The following TBL1Y variants were observed in gnomAD, a reference collection of about 807,000 sequenced individuals.
TBL1Y encodes transducin beta like 1 Y-linked, also known as F-box-like/WD repeat-containing protein TBL1Y.
TBL1Y carries 15 observed loss-of-function variants against 12.0 expected under a neutral mutation model. The observed-to-expected ratio is 1.25, with a 90% CI of 0.83 to 1.92. The LOEUF (loss-of-function observed/expected upper bound fraction) is 1.92, where lower values mean the gene tolerates loss of function less well. TBL1Y is among the 40% of genes most tolerant of loss of function. The pLI is 0.00. For missense variants in TBL1Y, 148 were observed against 116.7 expected (o/e 1.27, Z -1.24); for synonymous variants, 53 against 42.6 (o/e 1.24, Z -0.95).
At chrY:6,969,658 A>G (rs914075763) in intron 2 of TBL1Y, among the ~76,000 whole-genome samples, 7 of 32,806 alleles carry the variant, frequency 2.1e-4, no homozygotes, top group African/African-American at 8.3e-4. Flanking sequence ...TTAAGTGACT[A>G]TTTTTTACTT....
Position 7,071,806 on chromosome Y carries a change from T to C in TBL1Y, c.870T>C (p.Tyr290=). 5.1e-6 allele frequency: 2 copies of C among 393,897 alleles called. No homozygotes were observed. Among genetic ancestry groups the C allele is most frequent in the Non-Finnish European group, 7.1e-6 (2 of 281,434 alleles). The part of the protein sequence containing the change: ...FALKWNKKGN[Y]VLSAGVDKTT... ...TGAAATGGAACAAAAAGGGGAATTA[T>C]GTTTTGAGTGCTGGTGTAGACAAAG... The change falls in exon 12 of 19, where the codon TAT becomes TAC. Residue 290 remains tyrosine (Y), a synonymous_variant. Transcript: ENST00000383032.
Position 7,064,057 on chromosome Y carries a change from C to T in TBL1Y, c.365C>T (p.Ala122Val). Residue 122 changes from alanine to valine, a missense_variant, in exon 8 of 19, where the codon GCA (alanine) becomes GTA (valine). Transcript: ENST00000383032. ...ATEASAMAKA[A>V]TMTPAAISQQ... ...GAGGCATCAGCAATGGCAAAGGCGGCAACCATGACCCCAGCTGCTATTTCC... is the reference window on the plus strand; with the variant it reads ...GAGGCATCAGCAATGGCAAAGGCGGTAACCATGACCCCAGCTGCTATTTCC... The T allele has an allele frequency of 2.5e-6, 1 of 398,321 alleles. No individual in the cohort carries two copies.
At chrY:6,963,725 T>C in intron 2 of TBL1Y, among the ~76,000 whole-genome samples, 1 of 33,900 alleles carries the variant, frequency 2.9e-5, no homozygotes, top group African/African-American at 1.1e-4. Flanking sequence ...ATAAATCTAC[T>C]GCCGTGCTGC....
intron 8 of TBL1Y, among the ~76,000 whole-genome samples, chrY:7,068,750 C>T: frequency 3.5e-5 from 1 of 28,332 alleles, no homozygotes; most frequent in Non-Finnish European, 8.1e-5. Flanking sequence ...TTTTTGAAGG[C>T]TGCATTTTGG....
At chrY:6,951,551 G>A (rs2012026505) in intron 2 of TBL1Y, among the ~76,000 whole-genome samples, 1 of 32,813 alleles carries the variant, frequency 3.0e-5, no homozygotes, top group Non-Finnish European at 7.5e-5. Flanking sequence ...TTTTTATTGC[G>A]TCTATTTGAT....
intron 3 of TBL1Y, among the ~76,000 whole-genome samples, chrY:6,982,635 T>C: frequency 5.9e-5 from 2 of 34,003 alleles, no homozygotes; most frequent in Non-Finnish European, 1.5e-4. Flanking sequence ...TTTAAAACTT[T>C]ATATGTGTAT....
At chrY:7,064,762 T>C (rs767305470) in intron 8 of TBL1Y, among the ~76,000 whole-genome samples, 1 of 33,457 alleles carries the variant, frequency 3.0e-5, no homozygotes, top group Middle Eastern at 0.014. Context: ...GTTCCATGAA[T>C]GGTGCACTAG....
At chrY:6,980,737 A>T in intron 3 of TBL1Y, among the ~76,000 whole-genome samples, 1 of 33,249 alleles carries the variant, frequency 3.0e-5, no homozygotes, top group Non-Finnish European at 7.4e-5. Context: ...ATTATACTAA[A>T]TTTTTTCCTC....
chrY:7,043,047 A>T lies in TBL1Y; in HGVS notation c.126A>T (p.Thr42=). 2.5e-6 allele frequency: 1 copy of T among 398,136 alleles called. No homozygotes were observed. The highest frequency in any genetic ancestry group is 3.5e-6 in the Non-Finnish European group (1 of 283,403). The change falls in exon 7 of 19, where the codon ACA becomes ACT. Residue 42 remains threonine (T), a synonymous_variant. Transcript: ENST00000383032. ...TCAGCCAGTCCAACATCAATGGGACACTAGTGCCACCGTCTGCCCTCATCT... is the reference window on the plus strand; with the variant it reads ...TCAGCCAGTCCAACATCAATGGGACTCTAGTGCCACCGTCTGCCCTCATCT... ...SHISQSNING[T]LVPPSALISI...
intron 2 of TBL1Y, among the ~76,000 whole-genome samples, chrY:6,937,484 A>C (rs2011912857): frequency 3.0e-5 from 1 of 32,927 alleles, no homozygotes; most frequent in East Asian, 8.2e-4. Context: ...CAGGAGAATC[A>C]CTTGAATATG....
At chrY:7,050,865 A>AC (rs2012793655) in intron 7 of TBL1Y, among the ~76,000 whole-genome samples, 1 of 30,490 alleles carries the variant, frequency 3.3e-5, no homozygotes, top group South Asian at 7.5e-4. Context: ...ACACACACAC[A>AC]ATGTACATAT....
rs759964025 is a variant in TBL1Y at position 7,070,787 on chromosome Y, G to A, written c.658G>A (p.Val220Met). 9 of 395,590 alleles carry A rather than the reference G, an allele frequency of 2.3e-5. No homozygotes were observed. Among genetic ancestry groups the A allele is most frequent in the South Asian group, 3.0e-5 (1 of 32,942 alleles). Residue 220 changes from valine (V) to methionine (M), a missense_variant, in exon 10 of 19, where the codon GTG becomes ATG. Val to Met is a conservative substitution (Grantham distance 21, BLOSUM62 1). Coordinates refer to ENST00000383032, the MANE Select transcript of TBL1Y (RefSeq NM_033284.2). ...TAGCAACGGGGGCTCCACCCAGCTC[G>A]TGTTGAGACATTGTATACGAGAAGG... ...ENSNGGSTQL[V>M]LRHCIREGGH...
chrY:6,979,312 G>A, intron 3 of TBL1Y, among the ~76,000 whole-genome samples: 1 of 33,553 alleles, frequency 3.0e-5, no homozygotes. Context: ...TTTAGTGTCT[G>A]CTGTTCTCCT....
chrY:7,042,871 A>G, intron 6 of TBL1Y, 109 bp from the exon 7 acceptor site: 1 of 389,174 alleles, frequency 2.6e-6, no homozygotes, highest in Non-Finnish European at 3.6e-6. Context: ...GTCTTAGCCC[A>G]CAAATTAAAT....
chrY:6,918,758 T>G, intron 2 of TBL1Y: 1 of 32,326 alleles, frequency 3.1e-5, no homozygotes. Context: ...CCAATATGCT[T>G]ATATTTTCCT....
At chrY:6,987,153 T>C in intron 3 of TBL1Y, among the ~76,000 whole-genome samples, 1 of 32,881 alleles carries the variant, frequency 3.0e-5, no homozygotes, top group Non-Finnish European at 7.4e-5. Flanking sequence ...CTAAGTTATG[T>C]GGAATTGACA....
intron 7 of TBL1Y, among the ~76,000 whole-genome samples, chrY:7,062,855 C>T: frequency 3.0e-5 from 1 of 33,565 alleles, no homozygotes; most frequent in Non-Finnish European, 7.4e-5. Flanking sequence ...AAGCCGCCCC[C>T]GACCAAGGGG....
intron 3 of TBL1Y, among the ~76,000 whole-genome samples, chrY:6,987,035 G>T (rs2012323178): frequency 3.0e-5 from 1 of 33,261 alleles, no homozygotes; most frequent in Admixed American, 2.7e-4. Flanking sequence ...AACCAGTATG[G>T]TTGCATGGGT....
chrY:7,030,233 T>A, intron 6 of TBL1Y, among the ~76,000 whole-genome samples: 2 of 33,982 alleles, frequency 5.9e-5, no homozygotes, highest in Non-Finnish European at 1.5e-4. Flanking sequence ...CAAGGCGTAT[T>A]GGAAAGTATG....
Sources: allele counts gnomAD v4.1 joint callset (sites outside exome capture counted in the v4.1 genomes callset), GRCh38; gene constraint gnomAD v4.1.1; transcripts MANE v1.5; gene names NCBI Gene and HGNC (gene_info 2026-07-23, HGNC 2026-07-21).